DZIP3: variants seen among roughly 807,000 people sequenced by gnomAD.
The protein encoded by DZIP3 is E3 ubiquitin-protein ligase DZIP3.
Under a neutral mutation model 162.0 loss-of-function variants are expected in DZIP3, and 118 were observed. The observed-to-expected ratio is 0.73, with a 90% CI of 0.63 to 0.85. The LOEUF (loss-of-function observed/expected upper bound fraction) is 0.85, where lower values mean the gene tolerates loss of function less well. Among genes scored for constraint, DZIP3 ranks in the 40% least tolerant of loss-of-function variants. The probability of loss-of-function intolerance (pLI) is 0.00; values close to 1 mark genes in which losing one functional copy is unlikely to be tolerated. For missense variants in DZIP3, 1,331 were observed against 1,407.0 expected (o/e 0.95, Z 0.86); for synonymous variants, 438 against 458.6 (o/e 0.96, Z 0.57).
At chr3:108,610,023 T>G (rs905995633) in intron 3 of DZIP3, among the ~76,000 whole-genome samples, 2 of 152,230 alleles carry the variant, frequency 1.3e-5, no homozygotes, top group Non-Finnish European at 2.9e-5. Context: ...TCTAGTTACT[T>G]TGTAGAATTT....
intron 3 of DZIP3, 101 bp downstream of exon 3, chr3:108,608,259 T>C: frequency 4.3e-6 from 4 of 932,438 alleles, no homozygotes; most frequent in Non-Finnish European, 6.5e-6. Context: ...CGTGTTAAAA[T>C]TTTTTGAGTG....
intron 4 of DZIP3, among the ~76,000 whole-genome samples, chr3:108,612,795 A>G (rs768552000): frequency 3.3e-5 from 5 of 152,106 alleles, no homozygotes; most frequent in African/African-American, 1.2e-4. Context: ...TTATTTATTT[A>G]TCAAATATTT....
intron 13 of DZIP3, 108 bp from the exon 14 acceptor site, chr3:108,644,056 C>T: frequency 7.4e-7 from 1 of 1,351,968 alleles, no homozygotes; most frequent in Non-Finnish European, 9.9e-7. Flanking sequence ...ATCCTTCATT[C>T]TTTTGGAATA....
intron 5 of DZIP3, among the ~76,000 whole-genome samples, chr3:108,622,880 C>CTCTCTCTCTCTCTCTCTCCGTGTG (rs796232998): frequency 1.9e-5 from 1 of 53,082 alleles, no homozygotes. Flanking sequence ...CTCTCTCTCT[C>CTCTCTCTCTCTCTCTCTCCGTGTG]TGTGTGTGTG....
At chr3:108,593,129 T>C (rs1222219889) in intron 1 of DZIP3, among the ~76,000 whole-genome samples, 1 of 152,250 alleles carries the variant, frequency 6.6e-6, no homozygotes, top group African/African-American at 2.4e-5. Flanking sequence ...ATTTTATTTT[T>C]CACTTTAAAA....
chr3:108,604,693 G>A (rs968173818), intron 1 of DZIP3, among the ~76,000 whole-genome samples: 2 of 152,032 alleles, frequency 1.3e-5, no homozygotes, highest in Admixed American at 1.3e-4. Context: ...TCATGATTTG[G>A]GGAAAAAGTA....
chr3:108,637,258 G>C (rs1942198178), intron 11 of DZIP3, among the ~76,000 whole-genome samples: 1 of 151,900 alleles, frequency 6.6e-6, no homozygotes, highest in African/African-American at 2.4e-5. Context: ...TTGTATTTCA[G>C]ATTTGGCATT....
chr3:108,636,793 C>T, intron 11 of DZIP3, 85 bp downstream of exon 11: 1 of 928,962 alleles, frequency 1.1e-6, no homozygotes. Flanking sequence ...ACCTGGGGAT[C>T]ATCATAATTA....
chr3:108,604,386 G>A (rs1472085676), intron 1 of DZIP3, among the ~76,000 whole-genome samples: 9 of 152,066 alleles, frequency 5.9e-5, no homozygotes, highest in South Asian at 4.1e-4. Flanking sequence ...AACACTTTCC[G>A]GGCTTAGGGT....
rs184439875 is a variant in DZIP3, at chr3:108,594,044, T to C, written c.-73+4205T>C. Among the ~76,000 whole-genome samples the C allele has an allele frequency of 2.2e-3, 341 of 152,304 alleles. 2 individuals carry two copies. The highest frequency in any genetic ancestry group is 0.01 in the Middle Eastern group (3 of 294). On this transcript the variant is annotated intron_variant, in intron 1 of 32. Coordinates refer to ENST00000361582, the MANE Select transcript of DZIP3 (RefSeq NM_014648.4). ...GTAGATATAGAGCTTTTTAGCATAATAATTGCTTCTCTATATTAAAAATTT... is the reference window on the plus strand; with the variant it reads ...GTAGATATAGAGCTTTTTAGCATAACAATTGCTTCTCTATATTAAAAATTT...
chr3:108,620,975 C>T (rs556593364), intron 5 of DZIP3, among the ~76,000 whole-genome samples: 1 of 152,238 alleles, frequency 6.6e-6, no homozygotes, highest in Admixed American at 6.5e-5. Flanking sequence ...GCGCGTGCCA[C>T]CACGCCTGGC....
At chr3:108,628,157 AT>A (rs1269111415) in intron 7 of DZIP3, among the ~76,000 whole-genome samples, 1 of 152,186 alleles carries the variant, frequency 6.6e-6, no homozygotes, top group East Asian at 1.9e-4. Context: ...GATTACAGGC[AT>A]GAGCCACCGC....
intron 13 of DZIP3, among the ~76,000 whole-genome samples, chr3:108,643,044 A>G (rs565227258): frequency 6.6e-6 from 1 of 152,276 alleles, no homozygotes; most frequent in South Asian, 2.1e-4. Context: ...TTATTTGGTA[A>G]CCCAAAGAAA....
intron 1 of DZIP3, among the ~76,000 whole-genome samples, chr3:108,599,569 C>T (rs986844606): frequency 7.9e-5 from 12 of 152,140 alleles, no homozygotes; most frequent in South Asian, 2.1e-4. Flanking sequence ...CACTAACATA[C>T]GAGAAATAAA....
intron 32 of DZIP3, chr3:108,691,154 C>T (rs1458995037): frequency 3.4e-6 from 1 of 293,920 alleles, no homozygotes; most frequent in Non-Finnish European, 6.3e-6. Flanking sequence ...GGAAACATAA[C>T]TGTTAGCATA....
chr3:108,645,927 G>A (rs1002991685), intron 14 of DZIP3, among the ~76,000 whole-genome samples: 6 of 152,146 alleles, frequency 3.9e-5, no homozygotes, highest in Admixed American at 6.6e-5. Flanking sequence ...TGAGAATAGA[G>A]TATTTGAGAA....
intron 1 of DZIP3, among the ~76,000 whole-genome samples, chr3:108,599,353 G>A (rs137952128): frequency 1.2e-3 from 190 of 152,242 alleles, no homozygotes; most frequent in African/African-American, 4.4e-3. Context: ...TTAGCTACTG[G>A]TGTCTAGGTG....
At position 108,690,916 on chromosome 3, in the gene DZIP3, A is replaced by G; in HGVS notation, c.*6+13A>G. On this transcript the variant is annotated intron_variant, in intron 32 of 32. Coordinates refer to ENST00000361582, the MANE Select transcript of DZIP3 (RefSeq NM_014648.4). ...GATCTGATACAAGGTCGGGGTGTCT[A>G]TGCAAAGGAAGCTCAGTTTTCTTTT... The G allele has an allele frequency of 1.2e-6, 2 of 1,610,066 alleles. No homozygotes were observed. The highest frequency in any genetic ancestry group is 1.3e-5 in the African/African-American group (1 of 74,946).
intron 21 of DZIP3, among the ~76,000 whole-genome samples, chr3:108,664,208 CAG>C (rs1250059036): frequency 4.6e-5 from 7 of 152,252 alleles, no homozygotes; most frequent in African/African-American, 1.2e-4. Flanking sequence ...CTAATAAGCA[CAG>C]GGGGAGAAAA....
Sources: allele counts gnomAD v4.1 joint callset (sites outside exome capture counted in the v4.1 genomes callset), GRCh38; gene constraint gnomAD v4.1.1; transcripts MANE v1.5; gene names NCBI Gene and HGNC (gene_info 2026-07-23, HGNC 2026-07-21).